TAPBPL: variants seen among roughly 807,000 people sequenced by gnomAD.
TAPBPL encodes the protein TAP binding protein like, also known as tapasin-related protein.
Under a neutral mutation model 44.8 loss-of-function variants are expected in TAPBPL, and 32 were observed. The ratio of observed to expected loss-of-function variants is 0.71; its 90% CI spans 0.54 to 0.96. The LOEUF (loss-of-function observed/expected upper bound fraction) is 0.96. Among genes scored for constraint, TAPBPL ranks in the 40% least tolerant of loss-of-function variants. The pLI, the probability that TAPBPL is intolerant of heterozygous loss-of-function variation, is 0.00. For synonymous variants in TAPBPL, 230 were observed against 240.7 expected (o/e 0.96, Z 0.41); for missense variants, 520 against 586.6 (o/e 0.89, Z 1.17).
chr12:6,459,686 C>T (rs908123929), intron 5 of TAPBPL, among the ~76,000 whole-genome samples: 1 of 152,116 alleles, frequency 6.6e-6, no homozygotes, highest in South Asian at 2.1e-4. Flanking sequence ...GGCCTTCAAG[C>T]TGGAACTTCC....
chr12:6,470,643 G>T, downstream of TAPBPL: 1 of 1,455,098 alleles, frequency 6.9e-7, no homozygotes, highest in Non-Finnish European at 9.5e-7. Flanking sequence ...GCCTCGCGCC[G>T]ACTACCCCGC....
chr12:6,462,181 C>A lies in TAPBPL; in HGVS notation c.*32C>A. 6.5e-7 allele frequency: 1 copy of A among 1,548,148 alleles called. No homozygotes were observed. The highest frequency in any genetic ancestry group is 2.3e-5 in the East Asian group (1 of 42,616). ...GCGACATGAGACTACTAGAAAGAAA[C>A]GACACCCTTCCCCAAGCCCCCACAG... On this transcript the variant is annotated 3_prime_UTR_variant, in exon 7 of 7. Transcript: ENST00000266556.
At position 6,458,798 on chromosome 12, in the gene TAPBPL, C is replaced by A; in HGVS notation, c.1058C>A (p.Ser353Tyr). The A allele has an allele frequency of 6.2e-7, 1 of 1,614,150 alleles. No individual in the cohort carries two copies. Among genetic ancestry groups the A allele is most frequent in the Non-Finnish European group, 8.5e-7 (1 of 1,180,030 alleles). ...SPAQVSGASFSSLRQSVAGTY... is the reference protein window; with the variant it reads ...SPAQVSGASFYSLRQSVAGTY... ...GCCCAAGTCTCTGGTGCCTCCTTCTCCAGCCTCAGGCAAAGCGTGGCAGGC... is the reference window on the plus strand; with the variant it reads ...GCCCAAGTCTCTGGTGCCTCCTTCTACAGCCTCAGGCAAAGCGTGGCAGGC... The change falls in exon 5 of 7, where the codon TCC becomes TAC. Residue 353 changes from serine to tyrosine, a missense_variant. Ser to Tyr is a moderately radical substitution (Grantham distance 144). Transcript: ENST00000266556.
rs879395862 is a variant in TAPBPL at position 6,459,728 on chromosome 12, A to T, written c.1207+781A>T. 1.7e-3 allele frequency among the ~76,000 whole-genome samples: 76 copies of T among 45,632 alleles called. 1 individual carries two copies. The highest frequency in any genetic ancestry group is 3.3e-3 in the Admixed American group (16 of 4,916). The allele number at this position is 45,632 out of a possible 152,430, so 29.9% of individuals were successfully genotyped here. Reference sequence around the variant, plus strand: ...CCATAGCATGCTGTTGAAAGGTTTTATTTATTTATTTATTTATTTATTTAT... The same window carrying T: ...CCATAGCATGCTGTTGAAAGGTTTTTTTTATTTATTTATTTATTTATTTAT... On this transcript the variant is annotated intron_variant, in intron 5 of 6. Coordinates refer to ENST00000266556, the MANE Select transcript of TAPBPL (RefSeq NM_018009.5).
intron 4 of TAPBPL, among the ~76,000 whole-genome samples, chr12:6,458,416 C>T (rs1178827807): frequency 6.6e-6 from 1 of 151,884 alleles, no homozygotes; most frequent in Non-Finnish European, 1.5e-5. Flanking sequence ...CAGTAAGAAG[C>T]CAGCCAATCT....
downstream of TAPBPL, chr12:6,464,110 TCTC>T (rs778083252): frequency 2.6e-5 from 35 of 1,330,036 alleles, 1 homozygote; most frequent in South Asian, 2.5e-4. Flanking sequence ...CCGATACTCT[TCTC>T]CTCCCAAGTC....
chr12:6,458,932 C>A lies in TAPBPL; in HGVS notation c.1192C>A (p.Gln398Lys). 2 of 1,613,748 alleles carry A rather than the reference C, an allele frequency of 1.2e-6. No homozygotes were observed. The highest frequency in any genetic ancestry group is 1.1e-5 in the South Asian group (1 of 91,080). The change falls in exon 5 of 7, where the codon CAG (glutamine) becomes AAG (lysine). Residue 398 changes from glutamine to lysine, a missense_variant. By Grantham distance (53) the Gln-to-Lys change is moderately conservative (BLOSUM62 1). Coordinates refer to ENST00000266556, the MANE Select transcript of TAPBPL (RefSeq NM_018009.5). ...GGAGGAGCCCCTTGGGGCCAGCACC[C>A]AGGTTGTCCCACCAGGTACTGGGAG... ...SLEEPLGAST[Q>K]VVPPERRTAL... is the part of the protein sequence containing the mutation.
intron 6 of TAPBPL, 151 bp downstream of exon 6, chr12:6,461,089 A>G (rs377447110): frequency 2.7e-5 from 40 of 1,459,260 alleles, no homozygotes; most frequent in Non-Finnish European, 3.5e-5. Context: ...CCTAAATGAA[A>G]ATGAAACCAG....
chr12:6,469,962 T>C (rs1202718865), downstream of TAPBPL, among the ~76,000 whole-genome samples: 1 of 152,170 alleles, frequency 6.6e-6, no homozygotes, highest in Non-Finnish European at 1.5e-5. Context: ...CACTACCCCT[T>C]GAGTCTTTCT....
chr12:6,455,785 C>CGG (rs1949689010), intron 3 of TAPBPL, among the ~76,000 whole-genome samples: 1 of 144,408 alleles, frequency 6.9e-6, no homozygotes, highest in Non-Finnish European at 1.5e-5. Flanking sequence ...TTTTTTTTAA[C>CGG]AGTCTCATTC....
chr12:6,470,412 G>A (rs1344768017), downstream of TAPBPL: 1 of 1,494,662 alleles, frequency 6.7e-7, no homozygotes, highest in Non-Finnish European at 9.2e-7. Flanking sequence ...GGCGCGCGGT[G>A]GTAGTTCCCC....
chr12:6,455,810 G>A (rs1949690333), intron 3 of TAPBPL, among the ~76,000 whole-genome samples: 1 of 148,990 alleles, frequency 6.7e-6, no homozygotes, highest in African/African-American at 2.5e-5. Context: ...TCCCAGGCTG[G>A]AGTGCAGTGG....
rs187972634 is a variant in TAPBPL at position 6,460,858 on chromosome 12, G to A, written c.1211G>A (p.Arg404Gln). The change falls in exon 6 of 7, where the codon CGG becomes CAG. Residue 404 changes from arginine to glutamine, a missense_variant. Coordinates refer to ENST00000266556, the MANE Select transcript of TAPBPL (RefSeq NM_018009.5). ...CCCACGTTGCTCTCACCTACAGAGCGGAGAACAGCCTTGGGAGTCATCTTT... is the reference window on the plus strand; with the variant it reads ...CCCACGTTGCTCTCACCTACAGAGCAGAGAACAGCCTTGGGAGTCATCTTT... ...GASTQVVPPERRTALGVIFAS... is the reference protein window; with the variant it reads ...GASTQVVPPEQRTALGVIFAS... The A allele has an allele frequency of 3.2e-5, 52 of 1,614,104 alleles. No individual in the cohort carries two copies. The East Asian group carries it at 5.8e-4, about 18-fold the overall frequency.
Position 6,462,284 on chromosome 12 carries a change from C to A in TAPBPL, c.*135C>A. The A allele has an allele frequency of 1.5e-6, 1 of 670,738 alleles. No homozygotes were observed. The highest frequency in any genetic ancestry group is 2.5e-6 in the Non-Finnish European group (1 of 399,268). 41.5% of individuals were successfully genotyped at this position (670,738 alleles called of 1,614,324 possible). ...TTTTGCCTTTGTTCAGAATACATGA[C>A]ATTGGTAAATATGCCACATGCCTTT... is the stretch of plus-strand genomic sequence containing the variant. On this transcript the variant is annotated 3_prime_UTR_variant, in exon 7 of 7. Transcript: ENST00000266556.
intron 6 of TAPBPL, chr12:6,461,497 T>C: frequency 1.0e-6 from 1 of 983,282 alleles, no homozygotes; most frequent in Non-Finnish European, 1.2e-6. Flanking sequence ...CAAACTCAGC[T>C]CTGTCAAAAT....
downstream of TAPBPL, chr12:6,463,612 A>T: frequency 9.3e-7 from 1 of 1,080,978 alleles, no homozygotes. The surrounding 1 kb of genome is among the most constrained non-coding windows in gnomAD (Gnocchi z 4.0). Flanking sequence ...ACTAACAGGC[A>T]ATCTCTCTCT....
intron 5 of TAPBPL, among the ~76,000 whole-genome samples, chr12:6,460,507 T>C (rs1305972508): frequency 1.3e-5 from 2 of 152,186 alleles, no homozygotes; most frequent in African/African-American, 4.8e-5. Context: ...CCTCAGGTGA[T>C]CCACCTACCT....
chr12:6,470,882 A>G (rs948414753), downstream of TAPBPL: 1 of 377,652 alleles, frequency 2.6e-6, no homozygotes, highest in Non-Finnish European at 4.8e-6. Context: ...TTCAGTGATC[A>G]ATGCGACCAT....
downstream of TAPBPL, chr12:6,465,091 CCCTACCCTT>C: frequency 8.9e-7 from 1 of 1,127,960 alleles, no homozygotes; most frequent in Non-Finnish European, 1.2e-6. Context: ...CTTAGAGAGG[CCCTACCCTT>C]CTGCTTCCCA....
Sources: allele counts gnomAD v4.1 joint callset (sites outside exome capture counted in the v4.1 genomes callset), GRCh38; gene constraint gnomAD v4.1.1; non-coding constraint Gnocchi (gnomAD v3.1); transcripts MANE v1.5; gene names NCBI Gene and HGNC (gene_info 2026-07-23, HGNC 2026-07-21).